Variants in CDH12 observed in about 807,000 individuals in gnomAD.
The protein encoded by CDH12 is cadherin 12.
In CDH12, 41 loss-of-function variants were observed where a neutral mutation model predicts 74.1. That is an observed-to-expected ratio of 0.55 (90% CI 0.43 to 0.72). The LOEUF (loss-of-function observed/expected upper bound fraction) is 0.72, where lower values mean the gene tolerates loss of function less well. Among genes scored for constraint, CDH12 ranks in the 30% least tolerant of loss-of-function variants. The pLI is 0.00. For missense variants in CDH12, 945 were observed against 977.2 expected, an observed-to-expected ratio of 0.97 and a Z score of 0.44; for synonymous variants, 399 against 355.0, an observed-to-expected ratio of 1.12 and a Z score of -1.39.
chr5:22,070,270 A>G (rs1473807518), intron 5 of CDH12, among the ~76,000 whole-genome samples: 1 of 152,088 alleles, frequency 6.6e-6, no homozygotes, highest in Admixed American at 6.6e-5. Context: ...TTTTCATTGC[A>G]TGCAAGACAG....
intron 3 of CDH12, among the ~76,000 whole-genome samples, chr5:22,359,087 C>G (rs938083304): frequency 2.8e-4 from 43 of 152,064 alleles, no homozygotes; most frequent in African/African-American, 1.0e-3. Flanking sequence ...CAATATTAAC[C>G]TTAAATGTAA....
chr5:22,007,988 A>G lies in CDH12; in HGVS notation c.232-32603T>C, dbSNP rs185844840. On this transcript the variant is annotated intron_variant, in intron 5 of 14. Transcript: ENST00000382254. ...GAGAAAAAGAGAGAGACAGACACAC[A>G]GGGACAGAAAGAGAGAAAATAGGAG... 4.7e-3 allele frequency among the ~76,000 whole-genome samples: 719 copies of G among 152,304 alleles called. 7 individuals carry two copies. The highest frequency in any genetic ancestry group is 0.017 in the African/African-American group (690 of 41,564).
chr5:22,030,128 G>C (rs940912093), intron 5 of CDH12, among the ~76,000 whole-genome samples: 3 of 146,364 alleles, frequency 2.0e-5, no homozygotes, highest in Non-Finnish European at 4.5e-5. Flanking sequence ...TGGGGGGGAG[G>C]GGGGAAGGAC....
chr5:22,792,086 C>CTTT (rs757562010), intron 1 of CDH12, among the ~76,000 whole-genome samples: 9 of 125,388 alleles, frequency 7.2e-5, no homozygotes, highest in African/African-American at 1.5e-4. Flanking sequence ...TGAACTAGGG[C>CTTT]TTTTTTTTTT....
intron 1 of CDH12, among the ~76,000 whole-genome samples, chr5:22,767,104 A>G (rs1229606397): frequency 6.6e-6 from 1 of 152,058 alleles, no homozygotes; most frequent in Admixed American, 6.6e-5. Context: ...GGCAAAATAG[A>G]TTATACTGAA....
Position 22,050,421 on chromosome 5 carries a change from T to G in CDH12, c.231+28025A>C, listed in dbSNP as rs113923273. On this transcript the variant is annotated intron_variant, in intron 5 of 14. Transcript: ENST00000382254. ...TGTGAGCTTCTTATCGTATTTCCAA[T>G]GCCTAAAACAAAACCTGACACACAG... is the stretch of plus-strand genomic sequence containing the variant. 9.7e-4 allele frequency among the ~76,000 whole-genome samples: 147 copies of G among 152,248 alleles called. 2 individuals carry two copies. Among genetic ancestry groups the G allele is most frequent in the African/African-American group, 3.1e-3 (130 of 41,564 alleles).
intron 5 of CDH12, among the ~76,000 whole-genome samples, chr5:21,983,004 T>C (rs2963519): frequency 0.02 from 2,971 of 152,262 alleles, 104 homozygotes; most frequent in African/African-American, 0.068. Context: ...GGCTTCTTTC[T>C]TGCTAATCCA....
intron 4 of CDH12, among the ~76,000 whole-genome samples, chr5:22,197,659 G>C (rs892460389): frequency 6.6e-6 from 1 of 151,932 alleles, no homozygotes; most frequent in African/African-American, 2.4e-5. Flanking sequence ...ACTCCTTATT[G>C]CATTTTCCTA....
intron 1 of CDH12, among the ~76,000 whole-genome samples, chr5:22,609,455 T>C (rs1036950349): frequency 1.3e-5 from 2 of 152,222 alleles, no homozygotes; most frequent in Admixed American, 6.5e-5. Flanking sequence ...GATCTAAGAA[T>C]AGCTATTATG....
At chr5:22,440,025 T>C (rs1391448828) in intron 2 of CDH12, among the ~76,000 whole-genome samples, 1 of 151,992 alleles carries the variant, frequency 6.6e-6, no homozygotes, top group Non-Finnish European at 1.5e-5. Flanking sequence ...CACTGATGAG[T>C]GTCAAGTGTC....
chr5:22,724,391 C>A (rs577867311), intron 1 of CDH12, among the ~76,000 whole-genome samples: 7 of 151,652 alleles, frequency 4.6e-5, no homozygotes, highest in Admixed American at 1.3e-4. Flanking sequence ...ACTTTTCCAA[C>A]CTTTCCCCCG....
At chr5:22,150,525 A>AAC (rs34902507) in intron 4 of CDH12, among the ~76,000 whole-genome samples, 67,503 of 150,440 alleles carry the variant, frequency 0.45, 15,277 homozygotes, top group East Asian at 0.61. Flanking sequence ...ATATATATAG[A>AAC]ACACACACAC....
intron 1 of CDH12, among the ~76,000 whole-genome samples, chr5:22,706,446 T>G (rs2126967438): frequency 6.6e-6 from 1 of 152,176 alleles, no homozygotes; most frequent in South Asian, 2.1e-4. Context: ...TCACAGATTT[T>G]ACCTTGATAA....
chr5:21,919,276 T>A (rs1039624461), intron 6 of CDH12, among the ~76,000 whole-genome samples: 20 of 152,324 alleles, frequency 1.3e-4, no homozygotes, highest in African/African-American at 4.3e-4. Flanking sequence ...TCTCTCTTGT[T>A]ATTGCTTATG....
intron 3 of CDH12, among the ~76,000 whole-genome samples, chr5:22,277,207 T>C (rs1225916366): frequency 6.6e-6 from 1 of 152,178 alleles, no homozygotes; most frequent in East Asian, 1.9e-4. Context: ...GCCAGATAGC[T>C]CTGCCAAGGT....
intron 1 of CDH12, among the ~76,000 whole-genome samples, chr5:22,666,282 C>CTTTTTTTTT (rs1161509257): frequency 1.2e-4 from 10 of 83,532 alleles, no homozygotes; most frequent in East Asian, 1.0e-3. Flanking sequence ...ATCTCTCTAT[C>CTTTTTTTTT]TTTTTTTTTT....
At chr5:21,950,977 C>T (rs1213715650) in intron 6 of CDH12, among the ~76,000 whole-genome samples, 4 of 151,102 alleles carry the variant, frequency 2.6e-5, no homozygotes, top group African/African-American at 9.7e-5. Context: ...TTAGTAGAGA[C>T]GGGGTTTCAC....
intron 6 of CDH12, among the ~76,000 whole-genome samples, chr5:21,965,487 C>A (rs1433645001): frequency 6.6e-6 from 1 of 151,952 alleles, no homozygotes; most frequent in Non-Finnish European, 1.5e-5. Flanking sequence ...ACATGGTTGA[C>A]AGTTTAATTG....
chr5:22,659,971 A>G (rs1211385202), intron 1 of CDH12, among the ~76,000 whole-genome samples: 3 of 152,170 alleles, frequency 2.0e-5, no homozygotes. Flanking sequence ...ATGTTCAATC[A>G]TGTTCTTATA....
Sources: gnomAD v4.1 joint callset for allele counts (sites outside exome capture counted in the v4.1 genomes callset) on GRCh38, gnomAD v4.1.1 for gene constraint, MANE v1.5 for transcripts, NCBI Gene and HGNC (gene_info 2026-07-23, HGNC 2026-07-21) for gene names.